Variants in LIPA observed in about 807,000 individuals in gnomAD.
LIPA encodes lysosomal acid lipase/cholesteryl ester hydrolase.
A neutral mutation model predicts 40.6 loss-of-function variants in LIPA; 26 were observed. That is an observed-to-expected ratio of 0.64 (90% CI 0.47 to 0.89). LIPA has a LOEUF of 0.89. LIPA is among the 40% of genes least tolerant of loss of function. LIPA has a pLI of 0.00. For missense variants in LIPA, 455 were observed against 479.6 expected (o/e 0.95, Z 0.48); for synonymous variants, 188 against 168.4 (o/e 1.12, Z -0.90).
At chr10:89,223,541 C>T (rs888085004) in intron 7 of LIPA, 143 bp downstream of exon 7, 5 of 750,020 alleles carry the variant, frequency 6.7e-6, no homozygotes, top group Non-Finnish European at 6.7e-6. Flanking sequence ...TAGGCATTGG[C>T]CAAAGTTCAT....
intron 1 of LIPA, among the ~76,000 whole-genome samples, chr10:89,316,600 C>G (rs1589598866): frequency 6.6e-6 from 1 of 152,120 alleles, no homozygotes; most frequent in African/African-American, 2.4e-5. Context: ...CACCACAGCT[C>G]AAGGAGGCCT....
At chr10:89,353,908 T>C (rs969841656) in intron 2 of LIPA, among the ~76,000 whole-genome samples, 1 of 152,020 alleles carries the variant, frequency 6.6e-6, no homozygotes, top group Non-Finnish European at 1.5e-5. Context: ...GCCACTGCAC[T>C]CTAGCCTGGG....
At chr10:89,267,731 A>T (rs1589583580) in intron 1 of LIPA, among the ~76,000 whole-genome samples, 2 of 41,370 alleles carry the variant, frequency 4.8e-5, no homozygotes, top group Non-Finnish European at 4.8e-5. Context: ...AAGTATAATA[A>T]AAAAAAAAAA....
intron 1 of LIPA, among the ~76,000 whole-genome samples, chr10:89,332,159 A>C (rs890708825): frequency 2.0e-5 from 3 of 152,224 alleles, no homozygotes; most frequent in Non-Finnish European, 4.4e-5. Context: ...TGAACCCGAG[A>C]GGCAGAAATT....
At position 89,403,640 on chromosome 10, in the gene LIPA, A is replaced by C. The variant is rs202103656; in HGVS notation, c.61+9151T>G. 18 of 1,614,052 alleles carry C rather than the reference A, an allele frequency of 1.1e-5. No individual in the cohort carries two copies. The Admixed American group carries it at 1.7e-4, about 15-fold the overall frequency. On this transcript the variant is annotated intron_variant, in intron 2 of 8. Transcript: ENST00000371837. Reference sequence around the variant, plus strand: ...ACAAATTGGAAGGAAATATGAATGAAGCCCTGGAGTACTATGAGCGGGCCC... The same window carrying C: ...ACAAATTGGAAGGAAATATGAATGACGCCCTGGAGTACTATGAGCGGGCCC...
chr10:89,236,836 T>G (rs1842910863), intron 3 of LIPA, among the ~76,000 whole-genome samples: 1 of 152,238 alleles, frequency 6.6e-6, no homozygotes, highest in Admixed American at 6.5e-5. Context: ...AAAGCAAGAA[T>G]AGATTCTAGA....
At chr10:89,402,429 G>A in intron 2 of LIPA, 2 of 1,614,204 alleles carry the variant, frequency 1.2e-6, no homozygotes, top group Non-Finnish European at 1.7e-6. Flanking sequence ...CAAATACAGT[G>A]TGGGAATACA....
intron 2 of LIPA, among the ~76,000 whole-genome samples, chr10:89,381,029 C>A (rs117488035): frequency 3.3e-5 from 5 of 152,126 alleles, no homozygotes; most frequent in African/African-American, 4.8e-5. Context: ...ATCTAGTATA[C>A]TTTTTTCCAC....
At chr10:89,390,080 G>A (rs907735000) in intron 2 of LIPA, among the ~76,000 whole-genome samples, 3 of 147,310 alleles carry the variant, frequency 2.0e-5, no homozygotes, top group African/African-American at 5.0e-5. Flanking sequence ...TCCACCTCCC[G>A]GGTTCAAGCG....
chr10:89,279,081 A>G (rs964419303), intron 1 of LIPA, among the ~76,000 whole-genome samples: 3 of 152,172 alleles, frequency 2.0e-5, no homozygotes, highest in African/African-American at 7.2e-5. Context: ...GCCCAGAAAA[A>G]TAGCCACCAT....
intron 1 of LIPA, among the ~76,000 whole-genome samples, chr10:89,295,701 G>C (rs1039469694): frequency 6.6e-6 from 1 of 152,168 alleles, no homozygotes; most frequent in Non-Finnish European, 1.5e-5. Context: ...GAAATCTATT[G>C]TTCTAGGAAA....
At chr10:89,222,489 A>G (rs746652552) in intron 8 of LIPA, 22 bp downstream of exon 8, 8 of 1,518,634 alleles carry the variant, frequency 5.3e-6, no homozygotes, top group Non-Finnish European at 5.5e-6. Context: ...ATGAACCCCA[A>G]ATGCACTCCT....
At chr10:89,383,116 AC>A (rs1844175645) in intron 2 of LIPA, among the ~76,000 whole-genome samples, 1 of 152,196 alleles carries the variant, frequency 6.6e-6, no homozygotes, top group Non-Finnish European at 1.5e-5. Flanking sequence ...TGTTGGCACT[AC>A]AAGATGATTA....
At chr10:89,298,234 C>T (rs1260192745) in intron 1 of LIPA, among the ~76,000 whole-genome samples, 1 of 152,230 alleles carries the variant, frequency 6.6e-6, no homozygotes, top group African/African-American at 2.4e-5. Flanking sequence ...CCTGGTCCCA[C>T]TAACACCAGT....
chr10:89,262,177 C>A (rs1410000132), intron 1 of LIPA, among the ~76,000 whole-genome samples: 1 of 152,014 alleles, frequency 6.6e-6, no homozygotes, highest in African/African-American at 2.4e-5. Flanking sequence ...TATGGGAAAG[C>A]ATACGATTGC....
At chr10:89,306,659 T>C in intron 1 of LIPA, 1 of 1,614,018 alleles carries the variant, frequency 6.2e-7, no homozygotes, top group Non-Finnish European at 8.5e-7. Flanking sequence ...AGGAGAGAAG[T>C]TAGTTGAAGA....
intron 1 of LIPA, chr10:89,306,293 G>T: frequency 6.2e-7 from 1 of 1,614,100 alleles, no homozygotes; most frequent in South Asian, 1.1e-5. Context: ...ACTCTCAGAC[G>T]TTCAGATTTA....
intron 2 of LIPA, among the ~76,000 whole-genome samples, chr10:89,382,830 T>C (rs1439095697): frequency 2.0e-5 from 3 of 152,232 alleles, no homozygotes; most frequent in Non-Finnish European, 4.4e-5. Context: ...TTTGAAACCA[T>C]ATTTGGCTCT....
At chr10:89,239,011 C>A (rs538418521) in intron 3 of LIPA, among the ~76,000 whole-genome samples, 1 of 152,142 alleles carries the variant, frequency 6.6e-6, no homozygotes, top group Non-Finnish European at 1.5e-5. Context: ...AAGTGGCATT[C>A]TTTGGCCCAG....
Sources: gnomAD v4.1 joint callset for allele counts (sites outside exome capture counted in the v4.1 genomes callset) on GRCh38, gnomAD v4.1.1 for gene constraint, MANE v1.5 for transcripts, NCBI Gene and HGNC (gene_info 2026-07-23, HGNC 2026-07-21) for gene names.